OCA2: variants seen among roughly 807,000 people sequenced by gnomAD.
The protein encoded by OCA2 is OCA2 melanosomal transmembrane protein.
OCA2 carries 77 observed loss-of-function variants against 100.2 expected under a neutral mutation model. The ratio of observed to expected loss-of-function variants is 0.77; its 90% CI spans 0.64 to 0.93. The LOEUF is 0.93. Among genes scored for constraint, OCA2 ranks in the 40% least tolerant of loss-of-function variants. The pLI, the probability that OCA2 is intolerant of heterozygous loss-of-function variation, is 0.00. For missense variants in OCA2, 1,062 were observed against 1,089.1 expected (o/e 0.98, Z 0.35); for synonymous variants, 432 against 439.2 (o/e 0.98, Z 0.21).
chr15:27,926,079 T>C lies in OCA2; in HGVS notation c.2079+48A>G, dbSNP rs368419883. The C allele has an allele frequency of 3.3e-4, 531 of 1,605,432 alleles. 3 individuals carry two copies. In the South Asian group the frequency reaches 5.6e-3, roughly 17 times the overall value. The stretch of plus-strand genomic sequence containing the variant: ...TTCATTCACCAAATAAAACATGAAA[T>C]ACAAAAATCAGGTAAAATGCCATAT... On this transcript the variant is annotated intron_variant, in intron 19 of 23. Transcript: ENST00000354638.
intron 2 of OCA2, among the ~76,000 whole-genome samples, chr15:28,080,274 TG>T (rs2044577164): frequency 6.6e-6 from 1 of 152,196 alleles, no homozygotes; most frequent in Admixed American, 6.5e-5. Context: ...CATATGAATC[TG>T]GGGGGAACAG....
intron 22 of OCA2, among the ~76,000 whole-genome samples, chr15:27,847,940 C>A (rs1177402583): frequency 6.6e-6 from 1 of 152,228 alleles, no homozygotes; most frequent in Admixed American, 6.5e-5. Flanking sequence ...GCTCCCTGCA[C>A]CTGTGCGCTC....
intron 23 of OCA2, among the ~76,000 whole-genome samples, chr15:27,759,651 A>C (rs547595678): frequency 1.3e-5 from 2 of 152,218 alleles, no homozygotes; most frequent in East Asian, 3.9e-4. Flanking sequence ...TTCACCAAAT[A>C]ACTGAGCTGA....
intron 13 of OCA2, among the ~76,000 whole-genome samples, chr15:27,984,764 G>A (rs1256814576): frequency 6.6e-6 from 1 of 152,104 alleles, no homozygotes; most frequent in African/African-American, 2.4e-5. Context: ...TTTCACCAGG[G>A]GTGAGCCATT....
Position 27,775,165 on chromosome 15 carries a change from A to G in OCA2, c.2433-19693T>C, listed in dbSNP as rs1043537635. 3.3e-5 allele frequency among the ~76,000 whole-genome samples: 5 copies of G among 152,092 alleles called. 1 individual carries two copies. The highest frequency in any genetic ancestry group is 6.8e-3 in the Middle Eastern group (2 of 294). ...GCTGGCGCCCTGGGCCACGTGAACC[A>G]GGAAGCTGGCCCACACAGTAGGGTT... On this transcript the variant is annotated intron_variant, in intron 23 of 23. Coordinates refer to ENST00000354638, the MANE Select transcript of OCA2 (RefSeq NM_000275.3).
chr15:28,095,879 C>G (rs1391911827), intron 1 of OCA2, among the ~76,000 whole-genome samples: 1 of 152,194 alleles, frequency 6.6e-6, no homozygotes, highest in Non-Finnish European at 1.5e-5. Context: ...TGTCTAACAT[C>G]CAGAGAAAAC....
In OCA2 at chr15:27,926,254, C is replaced by T; in HGVS notation, c.1952G>A (p.Gly651Glu). The change falls in exon 19 of 24, where the codon GGA becomes GAA. Residue 651 changes from glycine to glutamate, a missense_variant and splice_region_variant. Gly to Glu is a moderately conservative substitution (Grantham distance 98, BLOSUM62 -2). Coordinates refer to ENST00000354638, the MANE Select transcript of OCA2 (RefSeq NM_000275.3). ...GATGGCACCCAGAATAGCAATCCATCCTGAAAATAAGTAAATAGACATAGA... is the reference window on the plus strand; with the variant it reads ...GATGGCACCCAGAATAGCAATCCATTCTGAAAATAAGTAAATAGACATAGA... ...SFVPGIHLDL[G>E]WIAILGAIWL... 6.2e-7 allele frequency: 1 copy of T among 1,613,938 alleles called. No homozygotes were observed. The highest frequency in any genetic ancestry group is 1.7e-5 in the Admixed American group (1 of 60,016).
At chr15:27,907,029 C>A (rs980169260) in intron 19 of OCA2, among the ~76,000 whole-genome samples, 6 of 152,162 alleles carry the variant, frequency 3.9e-5, no homozygotes, top group African/African-American at 9.7e-5. Flanking sequence ...AAGATGGCAC[C>A]ATGCCATTCA....
chr15:27,870,784 AAGAAAAAG>A (rs777072908), intron 21 of OCA2, among the ~76,000 whole-genome samples: 2,182 of 100,848 alleles, frequency 0.022, 49 homozygotes, highest in African/African-American at 0.073. Context: ...GAAAGAAAGA[AAGAAAAAG>A]AAAGAAAGAA....
At chr15:27,761,620 C>T (rs2030848238) in intron 23 of OCA2, among the ~76,000 whole-genome samples, 1 of 152,110 alleles carries the variant, frequency 6.6e-6, no homozygotes, top group South Asian at 2.1e-4. Flanking sequence ...CAAGCTTATT[C>T]TAAAATGTAT....
At chr15:28,046,922 A>T (rs2043365122) in intron 2 of OCA2, among the ~76,000 whole-genome samples, 1 of 152,136 alleles carries the variant, frequency 6.6e-6, no homozygotes, top group African/African-American at 2.4e-5. Context: ...CCTGCTCAAG[A>T]TTTCCCTCTT....
intron 23 of OCA2, among the ~76,000 whole-genome samples, chr15:27,832,710 G>A (rs2035007926): frequency 6.6e-6 from 1 of 152,192 alleles, no homozygotes; most frequent in Non-Finnish European, 1.5e-5. Flanking sequence ...CTTCATCACT[G>A]CGCCACTGAG....
intron 23 of OCA2, among the ~76,000 whole-genome samples, chr15:27,828,892 C>T (rs900781453): frequency 2.6e-5 from 4 of 152,142 alleles, no homozygotes; most frequent in East Asian, 1.9e-4. Flanking sequence ...GGGGCTCTGC[C>T]GCCCTCTCAA....
chr15:27,727,330 C>T, the OCA2 span, among the ~76,000 whole-genome samples: 1 of 152,190 alleles, frequency 6.6e-6, no homozygotes, highest in Non-Finnish European at 1.5e-5. Flanking sequence ...CTGCTTTTGT[C>T]ACTCACACTA....
Position 28,081,866 on chromosome 15 carries a change from C to T in OCA2, c.9G>A (p.Leu3=), listed in dbSNP as rs2044642858. The T allele has an allele frequency of 6.2e-7, 1 of 1,610,414 alleles. No homozygotes were observed. Among genetic ancestry groups the T allele is most frequent in the African/African-American group, 1.3e-5 (1 of 74,920 alleles). The stretch of plus-strand genomic sequence containing the variant: ...GGTACCGCCTGCCGTCTCTGCCCTC[C>T]AGATGCATGCTCCACTGCCAGTCTT... MH[L]EGRDGRRYPG... Residue 3 remains leucine (L), a synonymous_variant, in exon 2 of 24, where the codon CTG becomes CTA. Transcript: ENST00000354638.
At chr15:27,893,863 A>C (rs1050441724) in intron 19 of OCA2, among the ~76,000 whole-genome samples, 9 of 152,254 alleles carry the variant, frequency 5.9e-5, no homozygotes, top group Middle Eastern at 3.4e-3. Flanking sequence ...GACCCTTATC[A>C]GTGGTTCTGC....
intron 2 of OCA2, among the ~76,000 whole-genome samples, chr15:28,074,762 G>A (rs930642244): frequency 7.9e-5 from 12 of 151,798 alleles, no homozygotes; most frequent in Admixed American, 7.2e-4. Context: ...CAGGAGAATC[G>A]CTTGAACCCA....
intron 21 of OCA2, among the ~76,000 whole-genome samples, chr15:27,853,700 G>A (rs1201634934): frequency 6.6e-6 from 1 of 152,062 alleles, no homozygotes; most frequent in African/African-American, 2.4e-5. Flanking sequence ...GGAGAATGGA[G>A]AGCTATGTTG....
intron 19 of OCA2, chr15:27,896,450 G>A: frequency 3.1e-6 from 2 of 649,366 alleles, no homozygotes; most frequent in Non-Finnish European, 5.6e-6. Context: ...ATCCCATCTA[G>A]GAGAAGAAGC....
Sources: allele counts gnomAD v4.1 joint callset (sites outside exome capture counted in the v4.1 genomes callset), GRCh38; gene constraint gnomAD v4.1.1; transcripts MANE v1.5; gene names NCBI Gene and HGNC (gene_info 2026-07-23, HGNC 2026-07-21).